Variants in ARRB2 observed in about 807,000 individuals in gnomAD.
The protein encoded by ARRB2 is beta-arrestin-2.
In ARRB2, 21 loss-of-function variants were observed where a neutral mutation model predicts 53.4. The ratio of observed to expected loss-of-function variants is 0.39; its 90% CI spans 0.28 to 0.57. ARRB2 has a LOEUF of 0.57. Among genes scored for constraint, ARRB2 ranks in the 20% least tolerant of loss-of-function variants. The pLI is 0.55. For missense variants in ARRB2, 369 were observed against 527.5 expected, an observed-to-expected ratio of 0.70 and a Z score of 2.94; for synonymous variants, 180 against 212.9, an observed-to-expected ratio of 0.85 and a Z score of 1.34.
rs1915281371 is a variant in ARRB2, at chr17:4,718,278, G to A, written c.639G>A (p.Glu213=). 6.2e-7 allele frequency: 1 copy of A among 1,612,074 alleles called. No individual in the cohort carries two copies. The highest frequency in any genetic ancestry group is 8.5e-7 in the Non-Finnish European group (1 of 1,179,142). Residue 213 remains glutamate, a synonymous_variant, in exon 9 of 15, where the codon GAG becomes GAA. Transcript: ENST00000269260. ...SLDKELYYHG[E]PLNVNVHVTN... ...CCCAAAAGCTGTACTACCATGGGGA[G>A]CCCCTCAATGTAAATGTCCACGTCA...
rs370797461 is a variant in ARRB2 at position 4,718,174 on chromosome 17, A to G, written c.622-87A>G. ...GGCTTGGGTTTGAGGGGAGGGGGCC[A>G]GAACAATGTGTCTGTGTTTGGGGAC... On this transcript the variant is annotated intron_variant, in intron 8 of 14. Coordinates refer to ENST00000269260, the MANE Select transcript of ARRB2 (RefSeq NM_004313.4). 6 of 1,544,550 alleles carry G rather than the reference A, an allele frequency of 3.9e-6. No individual in the cohort carries two copies. The South Asian group carries it at 7.0e-5, about 18-fold the overall frequency.
At chr17:4,720,082 C>T in intron 11 of ARRB2, 134 bp from the exon 12 acceptor site, 1 of 871,208 alleles carries the variant, frequency 1.1e-6, no homozygotes, top group Non-Finnish European at 1.8e-6. Context: ...ACCATAACCG[C>T]ACGGCCTGGG....
In ARRB2 at chr17:4,717,021, A is replaced by T; in HGVS notation, c.358-196A>T. On this transcript the variant is annotated intron_variant, in intron 5 of 14. Transcript: ENST00000269260. This position sits in a 1 kb window ranked among gnomAD's most constrained non-coding sequence, Gnocchi z 6.0. The stretch of plus-strand genomic sequence containing the variant: ...GACTAATTTTGTATTTTTAGTAGTG[A>T]TGGGGTTTTGCCACGTTGGTCAGGC... 3 of 632,448 alleles carry T rather than the reference A, an allele frequency of 4.7e-6. No homozygotes were observed. The South Asian group carries it at 5.4e-5, about 11-fold the overall frequency. 39.2% of individuals were successfully genotyped at this position (632,448 alleles called of 1,614,324 possible). A position where few individuals can be genotyped will look rare whatever the true frequency, so the allele number is the denominator to read the frequency against.
chr17:4,710,642 G>T lies in ARRB2; in HGVS notation c.-80G>T. ...GGAGGGCGCGCGTGCGCATTGGCGC[G>T]GGGAGGAGCAGGGATCTTGGCAGCG... is the stretch of plus-strand genomic sequence containing the variant. On this transcript the variant is annotated 5_prime_UTR_variant, in exon 1 of 15. Coordinates refer to ENST00000269260, the MANE Select transcript of ARRB2 (RefSeq NM_004313.4). 1 of 397,980 alleles carries T rather than the reference G, an allele frequency of 2.5e-6. No homozygotes were observed. Among genetic ancestry groups the T allele is most frequent in the Non-Finnish European group, 4.4e-6 (1 of 225,566 alleles). The allele number at this position is 397,980 out of a possible 1,614,324, so 24.7% of individuals were successfully genotyped here.
chr17:4,716,219 G>C (rs772665583), intron 4 of ARRB2, 28 bp downstream of exon 4: 50 of 1,613,480 alleles, frequency 3.1e-5, no homozygotes, highest in Non-Finnish European at 4.2e-5. Flanking sequence ...AGGGGGCCCA[G>C]GGAAAGTGGG....
At chr17:4,720,087 C>T in intron 11 of ARRB2, 129 bp from the exon 12 acceptor site, 1 of 909,512 alleles carries the variant, frequency 1.1e-6, no homozygotes, top group Non-Finnish European at 1.7e-6. Flanking sequence ...AACCGCACGG[C>T]CTGGGCTGCT....
rs532462906 is a variant in ARRB2 at position 4,717,554 on chromosome 17, T to C, written c.418-131T>C. ...TCTGGGCTTTGGAGAGGAAGAAGAC[T>C]TAGTCCCCAGGGTCGTGAGACCACA... On this transcript the variant is annotated intron_variant, in intron 6 of 14. Transcript: ENST00000269260. The surrounding 1 kb of genome is among the most constrained non-coding windows in gnomAD (Gnocchi z 6.0). 63 of 1,245,422 alleles carry C rather than the reference T, an allele frequency of 5.1e-5. No homozygotes were observed. The East Asian group carries it at 1.4e-3, about 27-fold the overall frequency. 77.1% of individuals were successfully genotyped at this position (1,245,422 alleles called of 1,614,324 possible). A position where few individuals can be genotyped will look rare whatever the true frequency, so the allele number is the denominator to read the frequency against.
intron 9 of ARRB2, 59 bp downstream of exon 9, chr17:4,718,404 C>G (rs1020293286): frequency 1.9e-6 from 3 of 1,539,332 alleles, no homozygotes; most frequent in Admixed American, 1.8e-5. Flanking sequence ...CAGGTGGCTC[C>G]TGGTGTGATC....
intron 11 of ARRB2, 25 bp downstream of exon 11, chr17:4,719,445 C>A (rs1267889534): frequency 6.2e-7 from 1 of 1,610,868 alleles, no homozygotes; most frequent in Non-Finnish European, 8.5e-7. Context: ...GGGGCGGGTC[C>A]CCTGCAGGCC....
At position 4,720,310 on chromosome 17, in the gene ARRB2, TG is replaced by T. The variant is rs757829907; in HGVS notation, c.1001+16del. The T allele has an allele frequency of 8.1e-6, 13 of 1,613,822 alleles. No individual in the cohort carries two copies. Among genetic ancestry groups the T allele is most frequent in the Non-Finnish European group, 1.1e-5 (13 of 1,179,916 alleles). On this transcript the variant is annotated intron_variant, in intron 12 of 14. Coordinates refer to ENST00000269260, the MANE Select transcript of ARRB2 (RefSeq NM_004313.4). The stretch of plus-strand genomic sequence containing the variant: ...GGTGTCTCGAGGCGGGTGAGTGTCA[TG>T]GGGGAGCCTGGGTGGGGGTCACACT...
At position 4,720,582 on chromosome 17, in the gene ARRB2, C is replaced by T; in HGVS notation, c.1082-4C>T. 1.9e-6 allele frequency: 3 copies of T among 1,590,258 alleles called. No homozygotes were observed. Among genetic ancestry groups the T allele is most frequent in the East Asian group, 2.2e-5 (1 of 44,770 alleles). ...CCCCACACCCCCTCTTCCCGTCCCCCCAGCCGCTCCGGAGACAGATGTCCC... is the reference window on the plus strand; with the variant it reads ...CCCCACACCCCCTCTTCCCGTCCCCTCAGCCGCTCCGGAGACAGATGTCCC... On this transcript the variant is annotated splice_region_variant and splice_polypyrimidine_tract_variant and intron_variant, in intron 13 of 14. Transcript: ENST00000269260.
chr17:4,715,368 C>G, intron 2 of ARRB2: 1 of 408,206 alleles, frequency 2.4e-6, no homozygotes, highest in Non-Finnish European at 4.4e-6. Flanking sequence ...TAACAGCCCC[C>G]GGGCTATGGC....
chr17:4,714,425 A>G (rs1914740243), intron 1 of ARRB2: 1 of 159,102 alleles, frequency 6.3e-6, no homozygotes, highest in Non-Finnish European at 1.4e-5. Flanking sequence ...AGATGGAAAG[A>G]TGGTTAGGTC....
At chr17:4,715,738 C>T (rs888705690) in intron 2 of ARRB2, 3 of 528,634 alleles carry the variant, frequency 5.7e-6, no homozygotes, top group Non-Finnish European at 1.0e-5. Flanking sequence ...CACACACACA[C>T]CGGGCTGGTG....
intron 10 of ARRB2, among the ~76,000 whole-genome samples, chr17:4,719,051 G>A (rs1050498470): frequency 2.0e-5 from 3 of 152,206 alleles, no homozygotes; most frequent in African/African-American, 4.8e-5. Context: ...TGGGATTACA[G>A]GCGTGAGCCG....
intron 1 of ARRB2, among the ~76,000 whole-genome samples, chr17:4,712,286 C>G (rs1914488005): frequency 6.6e-6 from 1 of 152,232 alleles, no homozygotes; most frequent in Admixed American, 6.5e-5. Context: ...GTTAGGAATA[C>G]CTGGGGCCCT....
chr17:4,715,129 A>G, intron 2 of ARRB2, 86 bp downstream of exon 2: 1 of 1,466,536 alleles, frequency 6.8e-7, no homozygotes, highest in Non-Finnish European at 9.3e-7. Context: ...CAACCTACCC[A>G]AAGATGATCC....
intron 2 of ARRB2, 117 bp from the exon 3 acceptor site, chr17:4,715,856 C>G: frequency 8.4e-7 from 1 of 1,195,750 alleles, no homozygotes; most frequent in Non-Finnish European, 1.2e-6. Context: ...AAACCTGGAA[C>G]AACTCCTTCC....
At chr17:4,718,057 T>TG in intron 8 of ARRB2, 34 bp downstream of exon 8, 1 of 1,610,994 alleles carries the variant, frequency 6.2e-7, no homozygotes, top group Non-Finnish European at 8.5e-7. Flanking sequence ...GATGCCACGG[T>TG]GCAGTTTAGA....
Sources: gnomAD v4.1 joint callset for allele counts (sites outside exome capture counted in the v4.1 genomes callset) on GRCh38, gnomAD v4.1.1 for gene constraint, Gnocchi (gnomAD v3.1) non-coding constraint, MANE v1.5 for transcripts, NCBI Gene and HGNC (gene_info 2026-07-23, HGNC 2026-07-21) for gene names.